Variants in SCML4 observed in about 807,000 individuals in gnomAD.
SCML4 encodes the protein sex comb on midleg-like protein 4.
In SCML4, 34 loss-of-function variants were observed where a neutral mutation model predicts 41.1. The ratio of observed to expected loss-of-function variants is 0.83; its 90% CI spans 0.63 to 1.10. The LOEUF is 1.10. Among genes scored for constraint, SCML4 ranks in the 50% least tolerant of loss-of-function variants. The pLI, the probability that SCML4 is intolerant of heterozygous loss-of-function variation, is 0.00. For missense variants in SCML4, 522 were observed against 534.1 expected (o/e 0.98, Z 0.22); for synonymous variants, 214 against 220.9 (o/e 0.97, Z 0.28).
At chr6:107,780,535 T>G (rs1781401212) in intron 1 of SCML4, among the ~76,000 whole-genome samples, 1 of 152,074 alleles carries the variant, frequency 6.6e-6, no homozygotes, top group Admixed American at 6.5e-5. Flanking sequence ...GGTGAGACCC[T>G]GTCTCTACAA....
chr6:107,708,791 G>A (rs1773943706), intron 6 of SCML4, among the ~76,000 whole-genome samples: 1 of 152,214 alleles, frequency 6.6e-6, no homozygotes, highest in African/African-American at 2.4e-5. Flanking sequence ...CCATGCAGCA[G>A]GTGAAAAGGC....
At chr6:107,751,959 GA>G (rs1402740575) in intron 2 of SCML4, among the ~76,000 whole-genome samples, 4 of 152,162 alleles carry the variant, frequency 2.6e-5, no homozygotes, top group Non-Finnish European at 5.9e-5. Context: ...ATGGTATTGA[GA>G]AAAGACTGAA....
chr6:107,781,943 T>C (rs1781532605), intron 1 of SCML4, among the ~76,000 whole-genome samples: 2 of 152,192 alleles, frequency 1.3e-5, no homozygotes, highest in Admixed American at 1.3e-4. Flanking sequence ...GGGAAGACTC[T>C]GAAAGCCTGT....
At chr6:107,830,080 G>T in the SCML4 span, among the ~76,000 whole-genome samples, 1 of 152,064 alleles carries the variant, frequency 6.6e-6, no homozygotes, top group Non-Finnish European at 1.5e-5. Flanking sequence ...CAAAAATTAG[G>T]GACATATTCC....
At chr6:107,812,446 T>C (rs1784226503) in intron 1 of SCML4, among the ~76,000 whole-genome samples, 1 of 152,246 alleles carries the variant, frequency 6.6e-6, no homozygotes, top group Admixed American at 6.5e-5. Context: ...TGTTTAATTT[T>C]ATGTTTCAAC....
At chr6:107,821,944 G>A (rs967437994) in intron 1 of SCML4, among the ~76,000 whole-genome samples, 31 of 152,144 alleles carry the variant, frequency 2.0e-4, no homozygotes, top group Non-Finnish European at 4.3e-4. Flanking sequence ...ACAGACCTAC[G>A]AAGCACTCTA....
At chr6:107,742,896 TA>T (rs371614479) in intron 5 of SCML4, among the ~76,000 whole-genome samples, 5 of 152,284 alleles carry the variant, frequency 3.3e-5, no homozygotes, top group Non-Finnish European at 7.4e-5. Context: ...TCTAATACTG[TA>T]ATTGCTGTGT....
chr6:107,809,504 T>C (rs1356416743), intron 1 of SCML4, among the ~76,000 whole-genome samples: 1 of 151,866 alleles, frequency 6.6e-6, no homozygotes, highest in Non-Finnish European at 1.5e-5. Context: ...CACCAAGGGG[T>C]AGATGGAGAA....
chr6:107,722,474 A>G (rs981541416), intron 5 of SCML4, among the ~76,000 whole-genome samples: 2 of 152,192 alleles, frequency 1.3e-5, no homozygotes, highest in African/African-American at 2.4e-5. Flanking sequence ...AGCAATAATT[A>G]TCTGTATATT....
At chr6:107,777,855 C>T (rs535653890) in intron 1 of SCML4, among the ~76,000 whole-genome samples, 2 of 152,154 alleles carry the variant, frequency 1.3e-5, no homozygotes, top group South Asian at 4.1e-4. Flanking sequence ...TCTCCAAAGA[C>T]CTTCAAAGAC....
rs10649065 is a variant in SCML4, at chr6:107,721,982, C to CTTT, written c.683-992_683-990dup. Among the ~76,000 whole-genome samples the CTTT allele has an allele frequency of 5.1e-3, 688 of 135,918 alleles. 14 individuals are homozygous for CTTT. The highest frequency in any genetic ancestry group is 9.9e-3 in the South Asian group (42 of 4,226). The allele number at this position is 135,918 out of a possible 152,430, so 89.2% of individuals were successfully genotyped here. On this transcript the variant is annotated intron_variant, in intron 5 of 7. Transcript: ENST00000369020. ...CTTAAGTAAACCAGGACTTATCATA[C>CTTT]TTTTTTTTTTTTTTTTTGAGATGGA...
intron 1 of SCML4, among the ~76,000 whole-genome samples, chr6:107,792,621 A>G (rs992572067): frequency 6.6e-6 from 1 of 152,002 alleles, no homozygotes; most frequent in African/African-American, 2.4e-5. Flanking sequence ...AGTCCCAGCT[A>G]TTCGGGAAGC....
At chr6:107,778,222 AATATATATATATATATATAT>A (rs1163805768) in intron 1 of SCML4, among the ~76,000 whole-genome samples, 45 of 15,524 alleles carry the variant, frequency 2.9e-3, no homozygotes, top group Middle Eastern at 0.031. Context: ...AAAAAAAAAA[AATATATATATATATATATAT>A]ATATATATAT....
At chr6:107,762,263 G>T (rs915179576) in intron 2 of SCML4, among the ~76,000 whole-genome samples, 4 of 151,800 alleles carry the variant, frequency 2.6e-5, no homozygotes, top group African/African-American at 9.7e-5. Context: ...TCCAATGAAT[G>T]GGAAAGAAAA....
intron 1 of SCML4, among the ~76,000 whole-genome samples, chr6:107,795,840 A>G (rs762296685): frequency 4.6e-5 from 7 of 152,120 alleles, no homozygotes; most frequent in Admixed American, 2.0e-4. Context: ...AAGGTTCTTT[A>G]TGCCTCTTCT....
chr6:107,738,010 G>T (rs1777238540), intron 5 of SCML4, among the ~76,000 whole-genome samples: 1 of 152,128 alleles, frequency 6.6e-6, no homozygotes, highest in South Asian at 2.1e-4. Flanking sequence ...TACTCAGGTG[G>T]TTTCTGCACA....
At chr6:107,844,905 A>G in the SCML4 span, among the ~76,000 whole-genome samples, 7 of 148,432 alleles carry the variant, frequency 4.7e-5, no homozygotes, top group East Asian at 1.4e-3. Flanking sequence ...CAACAACAAC[A>G]ACAAAATGTT....
intron 2 of SCML4, among the ~76,000 whole-genome samples, chr6:107,760,467 T>A (rs1352349164): frequency 6.6e-6 from 1 of 152,202 alleles, no homozygotes; most frequent in African/African-American, 2.4e-5. Flanking sequence ...GGAGGGGATT[T>A]GCAGAATCTC....
In SCML4 at chr6:107,741,782, C is replaced by T. The variant is rs1016243910; in HGVS notation, c.682+3167G>A. Among the ~76,000 whole-genome samples the T allele has an allele frequency of 2.0e-5, 3 of 152,216 alleles. No homozygotes were observed. The East Asian group carries it at 5.8e-4, about 29-fold the overall frequency. On this transcript the variant is annotated intron_variant, in intron 5 of 7. Coordinates refer to ENST00000369020, the MANE Select transcript of SCML4 (RefSeq NM_198081.5). ...AGAGCCAAAAAACCAAAGACAGTGA[C>T]CTAGCAGTAAAGAACCTATAAGCAA... is the stretch of plus-strand genomic sequence containing the variant.
Sources: gnomAD v4.1 joint callset for allele counts (sites outside exome capture counted in the v4.1 genomes callset) on GRCh38, gnomAD v4.1.1 for gene constraint, MANE v1.5 for transcripts, NCBI Gene and HGNC (gene_info 2026-07-23, HGNC 2026-07-21) for gene names.